The following ZC3H3 variants were observed in gnomAD, a reference collection of about 807,000 sequenced individuals.
The protein encoded by ZC3H3 is zinc finger CCCH domain-containing protein 3.
A neutral mutation model predicts 77.3 loss-of-function variants in ZC3H3; 36 were observed. That is an observed-to-expected ratio of 0.47 (90% CI 0.36 to 0.61). The LOEUF is 0.61. Among genes scored for constraint, ZC3H3 ranks in the 20% least tolerant of loss-of-function variants. The pLI, the probability that ZC3H3 is intolerant of heterozygous loss-of-function variation, is 0.00. For missense variants in ZC3H3, 1,331 were observed against 1,312.2 expected, an observed-to-expected ratio of 1.01 and a Z score of -0.22; for synonymous variants, 626 against 555.2, an observed-to-expected ratio of 1.13 and a Z score of -1.79.
chr8:143,476,108 T>A (rs1820726556), intron 4 of ZC3H3, among the ~76,000 whole-genome samples: 1 of 152,126 alleles, frequency 6.6e-6, no homozygotes. Context: ...AGGCTGGGGC[T>A]ATTTCTACCA....
rs762454316 is a variant in ZC3H3 at position 143,440,192 on chromosome 8, G to A, written c.2664C>T (p.His888=). 10 of 1,611,590 alleles carry A rather than the reference G, an allele frequency of 6.2e-6. No individual in the cohort carries two copies. Among genetic ancestry groups the A allele is most frequent in the South Asian group, 1.1e-5 (1 of 90,648 alleles). The change falls in exon 11 of 12, where the codon CAC becomes CAT. Residue 888 remains histidine (H), a synonymous_variant. Transcript: ENST00000262577. ...SSSSPPASLD[H]EAPSLQEAAL... ...CAGCCTCCTGGAGAGATGGTGCCTC[G>A]TGGTCCAAGGAAGCGGGAGGGGATG... is the stretch of plus-strand genomic sequence containing the variant.
At chr8:143,455,213 C>T (rs1376382209) in intron 9 of ZC3H3, among the ~76,000 whole-genome samples, 1 of 152,054 alleles carries the variant, frequency 6.6e-6, no homozygotes, top group Non-Finnish European at 1.5e-5. Context: ...ACTCAGGAGG[C>T]TGAAAAAGGA....
intron 3 of ZC3H3, among the ~76,000 whole-genome samples, chr8:143,515,519 C>T (rs533496684): frequency 3.3e-5 from 5 of 152,386 alleles, no homozygotes; most frequent in East Asian, 3.9e-4. Flanking sequence ...TCCCCACGAA[C>T]GGGCCTCCCA....
chr8:143,506,698 CAAGCT>C (rs1821707536), intron 4 of ZC3H3, among the ~76,000 whole-genome samples: 2 of 151,972 alleles, frequency 1.3e-5, no homozygotes, highest in Non-Finnish European at 2.9e-5. Flanking sequence ...GCAGCAGGGC[CAAGCT>C]GAGTGTGGCC....
chr8:143,455,512 A>T (rs1489174771), intron 9 of ZC3H3, among the ~76,000 whole-genome samples: 6 of 149,654 alleles, frequency 4.0e-5, no homozygotes, highest in African/African-American at 1.5e-4. Context: ...CCTCCCCAAA[A>T]TAATAATAAT....
At chr8:143,461,248 C>A (rs964703901) in intron 9 of ZC3H3, among the ~76,000 whole-genome samples, 2 of 152,166 alleles carry the variant, frequency 1.3e-5, no homozygotes, top group East Asian at 3.8e-4. Context: ...CCCATAAGCA[C>A]CCAGGTGCTC....
chr8:143,506,959 T>A (rs774597296), intron 4 of ZC3H3, among the ~76,000 whole-genome samples: 6 of 152,136 alleles, frequency 3.9e-5, no homozygotes, highest in Admixed American at 6.5e-5. Context: ...CCCACGCCAC[T>A]CCCCCAGGAG....
intron 4 of ZC3H3, among the ~76,000 whole-genome samples, chr8:143,476,019 G>A (rs1419432145): frequency 1.3e-5 from 2 of 152,206 alleles, no homozygotes; most frequent in African/African-American, 2.4e-5. Context: ...GGGCAGAGGG[G>A]CTGCAAGGTG....
rs1822576987 is a variant in ZC3H3 at position 143,530,793 on chromosome 8, A to G, written c.1561+5464T>C. On this transcript the variant is annotated intron_variant, in intron 3 of 11. Transcript: ENST00000262577. The surrounding 1 kb of genome is among the most constrained non-coding windows in gnomAD (Gnocchi z 4.3). Reference sequence around the variant, plus strand: ...TGCCACAGTTATGTGAGTGGCAAACAGGACACCATTTTTCAGACTCCAAAA... The same window carrying G: ...TGCCACAGTTATGTGAGTGGCAAACGGGACACCATTTTTCAGACTCCAAAA... 6.6e-6 allele frequency among the ~76,000 whole-genome samples: 1 copy of G among 152,168 alleles called. No individual in the cohort carries two copies. The highest frequency in any genetic ancestry group is 6.5e-5 in the Admixed American group (1 of 15,286).
chr8:143,519,242 A>G (rs1822161858), intron 3 of ZC3H3, among the ~76,000 whole-genome samples: 1 of 152,126 alleles, frequency 6.6e-6, no homozygotes, highest in Non-Finnish European at 1.5e-5. Context: ...CAGGCTGCAG[A>G]CAGGCCCCCT....
Position 143,530,378 on chromosome 8 carries a change from C to T in ZC3H3, c.1561+5879G>A, listed in dbSNP as rs1197870323. On this transcript the variant is annotated intron_variant, in intron 3 of 11. Transcript: ENST00000262577. This position sits in a 1 kb window ranked among gnomAD's most constrained non-coding sequence, Gnocchi z 4.3. ...TCCTGGGTGGGTGAAGCAGAGAGGG[C>T]CCTCCCACTCCAGCAGATGACGACA... 6.6e-5 allele frequency among the ~76,000 whole-genome samples: 10 copies of T among 152,138 alleles called. No individual in the cohort carries two copies.
In ZC3H3 at chr8:143,539,116, G is replaced by A. The variant is rs375093840; in HGVS notation, c.251C>T (p.Ser84Leu). The A allele has an allele frequency of 1.2e-6, 2 of 1,612,982 alleles. No individual in the cohort carries two copies. The highest frequency in any genetic ancestry group is 2.7e-5 in the African/African-American group (2 of 75,050). The change falls in exon 2 of 12, where the codon TCA becomes TTA. Residue 84 changes from serine (S) to leucine (L), a missense_variant. By Grantham distance (145) the Ser-to-Leu change is moderately radical (BLOSUM62 -2). Coordinates refer to ENST00000262577, the MANE Select transcript of ZC3H3 (RefSeq NM_015117.3). Reference protein sequence around the residue: ...YSLVNRPPGPSDPPADHAVRP... With the variant: ...YSLVNRPPGPLDPPADHAVRP... ...CACAGCATGGTCGGCAGGAGGGTCT[G>A]AGGGTCCCGGGGGCCGATTCACGAG...
intron 8 of ZC3H3, among the ~76,000 whole-genome samples, chr8:143,467,208 T>C (rs1331589527): frequency 6.6e-6 from 1 of 152,176 alleles, no homozygotes; most frequent in Non-Finnish European, 1.5e-5. Flanking sequence ...AAAGGGATGA[T>C]AAAGCCAACT....
chr8:143,511,878 C>T (rs1019203153), intron 3 of ZC3H3, among the ~76,000 whole-genome samples: 7 of 152,376 alleles, frequency 4.6e-5, no homozygotes, highest in African/African-American at 1.7e-4. Flanking sequence ...GCCCCTTCCC[C>T]AAGCCTCCGC....
In ZC3H3 at chr8:143,498,983, G is replaced by C. The variant is rs540732425; in HGVS notation, c.1715+8763C>G. On this transcript the variant is annotated intron_variant, in intron 4 of 11. Coordinates refer to ENST00000262577, the MANE Select transcript of ZC3H3 (RefSeq NM_015117.3). ...GGGAAGAGGGGCACAGGGCGGGCAG[G>C]GGCAGAGGCAGAGCCATGGCTCAAA... Among the ~76,000 whole-genome samples, 19 of 151,912 alleles carry C rather than the reference G, an allele frequency of 1.3e-4. No individual in the cohort carries two copies. The East Asian group carries it at 3.5e-3, about 28-fold the overall frequency.
At chr8:143,501,330 A>C (rs1250181293) in intron 4 of ZC3H3, among the ~76,000 whole-genome samples, 1 of 152,054 alleles carries the variant, frequency 6.6e-6, no homozygotes, top group African/African-American at 2.4e-5. Context: ...CAGTCTCCCA[A>C]GTAGTTGAAC....
rs1256269300 is a variant in ZC3H3, at chr8:143,439,925, GCCTA to G, written c.2815+112_2815+115del. ...CTGGGGGCCCGAGCCAGGCCATGCT[GCCTA>G]CCTGAGTCCTTGCTGAGGGGGGGGC... On this transcript the variant is annotated intron_variant, in intron 11 of 11. Transcript: ENST00000262577. 2.5e-5 allele frequency: 16 copies of G among 634,820 alleles called. No homozygotes were observed. The East Asian group carries it at 4.9e-4, about 19-fold the overall frequency. The allele number at this position is 634,820 out of a possible 1,614,324, so 39.3% of individuals were successfully genotyped here.
Position 143,441,103 on chromosome 8 carries a change from CGT to C in ZC3H3, c.2323_2324del (p.Thr775AlafsTer156), listed in dbSNP as rs1441251649. 7 of 1,447,422 alleles carry C rather than the reference CGT, an allele frequency of 4.8e-6. No homozygotes were observed. The highest frequency in any genetic ancestry group is 2.9e-5 in the East Asian group (1 of 34,804). 89.7% of individuals were successfully genotyped at this position (1,447,422 alleles called of 1,614,324 possible). On this transcript the variant is annotated frameshift_variant, in exon 10 of 12. Transcript: ENST00000262577. LOFTEE classifies it high-confidence loss of function. ...PLGAKCKKKH[T>X]LLCPDFARRG... ...TGCGGGCAAAGTCGGGGCACAGCAG[CGT>C]GTGTTTCTTCTTGCACTGCAGAGAG...
chr8:143,449,299 A>G (rs1819931275), intron 9 of ZC3H3, among the ~76,000 whole-genome samples: 1 of 152,212 alleles, frequency 6.6e-6, no homozygotes, highest in African/African-American at 2.4e-5. Flanking sequence ...GCCAGGCTGC[A>G]AATTTTCCAA....
Sources: gnomAD v4.1 joint callset for allele counts (sites outside exome capture counted in the v4.1 genomes callset) on GRCh38, gnomAD v4.1.1 for gene constraint, Gnocchi (gnomAD v3.1) non-coding constraint, MANE v1.5 for transcripts, NCBI Gene and HGNC (gene_info 2026-07-23, HGNC 2026-07-21) for gene names.